The following ALDH1L2 variants were observed in gnomAD, a reference collection of about 807,000 sequenced individuals.
ALDH1L2 encodes the protein mitochondrial 10-formyltetrahydrofolate dehydrogenase.
ALDH1L2 carries 91 observed loss-of-function variants against 111.0 expected under a neutral mutation model. The ratio of observed to expected loss-of-function variants is 0.82; its 90% CI spans 0.69 to 0.98. ALDH1L2 has a LOEUF of 0.98. Among genes scored for constraint, ALDH1L2 ranks in the 50% least tolerant of loss-of-function variants. The pLI, the probability that ALDH1L2 is intolerant of heterozygous loss-of-function variation, is 0.00. For synonymous variants in ALDH1L2, 374 were observed against 392.6 expected (o/e 0.95, Z 0.56); for missense variants, 995 against 1,126.8 (o/e 0.88, Z 1.67).
rs777864671 is a variant in ALDH1L2, at chr12:105,073,842, C to A, written c.193+19G>T. The A allele has an allele frequency of 2.5e-6, 4 of 1,613,460 alleles. No homozygotes were observed. Among genetic ancestry groups the A allele is most frequent in the South Asian group, 1.1e-5 (1 of 90,938 alleles). On this transcript the variant is annotated intron_variant, in intron 2 of 22. Coordinates refer to ENST00000258494, the MANE Select transcript of ALDH1L2 (RefSeq NM_001034173.4). ...AGGACCTGAGAATTCTTGACCCAGT[C>A]ATCCCAAGATGCACTCACCCAGAGG...
chr12:105,082,978 C>A (rs564634705), intron 1 of ALDH1L2, among the ~76,000 whole-genome samples: 78 of 152,078 alleles, frequency 5.1e-4, no homozygotes, highest in Middle Eastern at 3.4e-3. Flanking sequence ...CACTGCTTTT[C>A]CATATGCACC....
At position 105,019,822 on chromosome 12, in the gene ALDH1L2, T is replaced by C. The variant is rs957664382; in HGVS notation, c.*4602A>G. On this transcript the variant is annotated 3_prime_UTR_variant, in exon 23 of 23. Transcript: ENST00000258494. ...AATTGTGTTTATTGGCATAGATGCTTATGATATATTGTTAATTGAAAAAGC... is the reference window on the plus strand; with the variant it reads ...AATTGTGTTTATTGGCATAGATGCTCATGATATATTGTTAATTGAAAAAGC... The C allele has an allele frequency of 3.3e-5, 5 of 152,226 alleles. No individual in the cohort carries two copies. The highest frequency in any genetic ancestry group is 6.5e-5 in the Admixed American group (1 of 15,286). The allele number at this position is 152,226 out of a possible 1,614,324, so 9.4% of individuals were successfully genotyped here. A position where few individuals can be genotyped will look rare whatever the true frequency, so the allele number is the denominator to read the frequency against.
intron 9 of ALDH1L2, among the ~76,000 whole-genome samples, chr12:105,058,438 T>G (rs758829705): frequency 3.9e-5 from 6 of 152,194 alleles, no homozygotes; most frequent in Non-Finnish European, 7.3e-5. Flanking sequence ...TTTTAAAACT[T>G]TATCCATGAC....
rs1202416814 is a variant in ALDH1L2 at position 105,021,823 on chromosome 12, T to A, written c.*2601A>T. Reference sequence around the variant, plus strand: ...TATCTAATTAAGAAGGCAAGTAATTTTAGTACAAGTGGTAAGTGCTATGTT... The same window carrying A: ...TATCTAATTAAGAAGGCAAGTAATTATAGTACAAGTGGTAAGTGCTATGTT... On this transcript the variant is annotated 3_prime_UTR_variant, in exon 23 of 23. Coordinates refer to ENST00000258494, the MANE Select transcript of ALDH1L2 (RefSeq NM_001034173.4). 1.3e-5 allele frequency: 2 copies of A among 152,132 alleles called. No homozygotes were observed. Among genetic ancestry groups the A allele is most frequent in the Non-Finnish European group, 2.9e-5 (2 of 68,048 alleles). 9.4% of individuals were successfully genotyped at this position (152,132 alleles called of 1,614,324 possible).
chr12:105,046,991 T>C, intron 13 of ALDH1L2, 22 bp from the exon 14 acceptor site: 1 of 1,603,516 alleles, frequency 6.2e-7, no homozygotes, highest in East Asian at 2.2e-5. Context: ...GAAAAGTTGA[T>C]ACTTATTTTA....
rs569966806 is a variant in ALDH1L2 at position 105,035,930 on chromosome 12, TTA to T, written c.2146-1534_2146-1533del. ...ATATATATTATATATATACATATATTTATATGTGTATATATATTATATATATA... is the reference window on the plus strand; with the variant it reads ...ATATATATTATATATATACATATATTTATGTGTATATATATTATATATATA... On this transcript the variant is annotated intron_variant, in intron 18 of 22. Coordinates refer to ENST00000258494, the MANE Select transcript of ALDH1L2 (RefSeq NM_001034173.4). Among the ~76,000 whole-genome samples the T allele has an allele frequency of 4.4e-3, 453 of 104,074 alleles. 129 individuals carry two copies. Among genetic ancestry groups the T allele is most frequent in the African/African-American group, 0.023 (427 of 18,710 alleles). The allele number at this position is 104,074 out of a possible 152,430, so 68.3% of individuals were successfully genotyped here.
chr12:105,032,073 G>GT, intron 19 of ALDH1L2, 139 bp from the exon 20 acceptor site: 9 of 761,794 alleles, frequency 1.2e-5, no homozygotes, highest in Admixed American at 3.6e-5. Flanking sequence ...GTAGGTGGTT[G>GT]GTTTTTTTTT....
At chr12:105,072,245 G>GTA (rs1163245920) in intron 2 of ALDH1L2, 2 of 147,274 alleles carry the variant, frequency 1.4e-5, no homozygotes, top group Non-Finnish European at 3.0e-5. Flanking sequence ...TAATATAATA[G>GTA]TATATATATT....
chr12:105,026,306 C>G lies in ALDH1L2; in HGVS notation c.2716+239G>C, dbSNP rs80035170. On this transcript the variant is annotated intron_variant, in intron 22 of 22. Coordinates refer to ENST00000258494, the MANE Select transcript of ALDH1L2 (RefSeq NM_001034173.4). Reference sequence around the variant, plus strand: ...TATTGTTGCAATTTCTTTTTCCTTTCAAACATTAATCTTTTTTGAAAAGAA... The same window carrying G: ...TATTGTTGCAATTTCTTTTTCCTTTGAAACATTAATCTTTTTTGAAAAGAA... 4.7e-4 allele frequency among the ~76,000 whole-genome samples: 71 copies of G among 152,356 alleles called. No individual in the cohort carries two copies. In the East Asian group the frequency reaches 0.012, roughly 26 times the overall value.
intron 21 of ALDH1L2, among the ~76,000 whole-genome samples, chr12:105,028,714 C>T (rs1356871859): frequency 2.0e-5 from 3 of 152,146 alleles, no homozygotes; most frequent in East Asian, 1.9e-4. Context: ...TGCCATTTCT[C>T]GTTGAGGACT....
At chr12:105,037,998 C>G (rs768198878) in intron 18 of ALDH1L2, 105 bp downstream of exon 18, 9 of 840,384 alleles carry the variant, frequency 1.1e-5, no homozygotes, top group South Asian at 1.6e-5. Flanking sequence ...AACTCCTGAT[C>G]TCAAGTGATC....
intron 7 of ALDH1L2, 83 bp from the exon 8 acceptor site, chr12:105,061,835 T>A: frequency 6.5e-7 from 1 of 1,526,954 alleles, no homozygotes; most frequent in Non-Finnish European, 9.0e-7. Context: ...GTCCTATAGA[T>A]TATATGCATA....
intron 15 of ALDH1L2, among the ~76,000 whole-genome samples, chr12:105,046,178 T>C (rs1875848537): frequency 3.8e-5 from 1 of 26,114 alleles, no homozygotes; most frequent in Non-Finnish European, 7.1e-5. Flanking sequence ...TCTCTCTCTC[T>C]CTCTCTCTCT....
intron 2 of ALDH1L2, among the ~76,000 whole-genome samples, chr12:105,071,644 T>TA (rs56181175): frequency 6.1e-4 from 7 of 11,556 alleles, no homozygotes; most frequent in Admixed American, 2.9e-3. Context: ...ATATATATAT[T>TA]TTTTTTTTTT....
At chr12:105,035,490 T>C (rs894582479) in intron 18 of ALDH1L2, among the ~76,000 whole-genome samples, 1 of 151,836 alleles carries the variant, frequency 6.6e-6, no homozygotes, top group Admixed American at 6.6e-5. Context: ...GGGCTAATTT[T>C]ATTTTTTTGT....
intron 21 of ALDH1L2, among the ~76,000 whole-genome samples, chr12:105,027,260 A>G (rs975320844): frequency 3.3e-5 from 5 of 152,354 alleles, no homozygotes; most frequent in African/African-American, 9.6e-5. Context: ...TTTTTCATAT[A>G]TATCATGCAA....
intron 6 of ALDH1L2, among the ~76,000 whole-genome samples, chr12:105,063,325 A>C (rs929368896): frequency 6.6e-5 from 10 of 152,150 alleles, no homozygotes; most frequent in Non-Finnish European, 1.5e-4. Context: ...AAATACAAAA[A>C]ATTAGCTGGG....
intron 11 of ALDH1L2, among the ~76,000 whole-genome samples, chr12:105,052,558 G>A (rs1409808340): frequency 6.6e-6 from 1 of 152,190 alleles, no homozygotes; most frequent in Non-Finnish European, 1.5e-5. Context: ...ATGCAGATGA[G>A]TGCCTCTGGT....
rs1228124047 is a variant in ALDH1L2 at position 105,068,751 on chromosome 12, G to A, written c.562C>T (p.Arg188Trp). The change falls in exon 4 of 23, where the codon CGG becomes TGG. Residue 188 changes from arginine to tryptophan, a missense_variant. Physicochemically the swap from Arg to Trp is moderately radical, Grantham distance 101. Transcript: ENST00000258494. ...PNDTVDALYNRFLFPEGIKAM... is the reference protein window; with the variant it reads ...PNDTVDALYNWFLFPEGIKAM... Reference sequence around the variant, plus strand: ...TTGATTCCTTCAGGAAAAAGAAACCGATTATAAAGTGCATCCACTGTATCA... The same window carrying A: ...TTGATTCCTTCAGGAAAAAGAAACCAATTATAAAGTGCATCCACTGTATCA... 6 of 1,563,586 alleles carry A rather than the reference G, an allele frequency of 3.8e-6. No homozygotes were observed. Among genetic ancestry groups the A allele is most frequent in the East Asian group, 2.4e-5 (1 of 42,450 alleles).
Sources: gnomAD v4.1 joint callset for allele counts (sites outside exome capture counted in the v4.1 genomes callset) on GRCh38, gnomAD v4.1.1 for gene constraint, MANE v1.5 for transcripts, NCBI Gene and HGNC (gene_info 2026-07-23, HGNC 2026-07-21) for gene names.